BYSL: variants seen among roughly 807,000 people sequenced by gnomAD.
The protein encoded by BYSL is bystin like.
A neutral mutation model predicts 45.4 loss-of-function variants in BYSL; 21 were observed. That is an observed-to-expected ratio of 0.46 (90% CI 0.33 to 0.67). BYSL has a LOEUF of 0.67. Among genes scored for constraint, BYSL ranks in the 30% least tolerant of loss-of-function variants. The pLI, the probability that BYSL is intolerant of heterozygous loss-of-function variation, is 0.02. For missense variants in BYSL, 522 were observed against 578.5 expected (o/e 0.90, Z 1.00); for synonymous variants, 215 against 231.3 (o/e 0.93, Z 0.64).
chr6:41,918,641 G>T (rs551358611), upstream of BYSL, among the ~76,000 whole-genome samples: 1 of 149,674 alleles, frequency 6.7e-6, no homozygotes, highest in African/African-American at 2.5e-5. Context: ...GTGAAACCCC[G>T]TCTCTACCAA....
chr6:41,921,473 T>G, upstream of BYSL: 1 of 1,467,382 alleles, frequency 6.8e-7, no homozygotes, highest in Non-Finnish European at 9.0e-7. Flanking sequence ...CCGGGCGGCC[T>G]CTTGGGCGCT....
At position 41,930,717 on chromosome 6, in the gene BYSL, A is replaced by G; in HGVS notation, c.653A>G (p.Tyr218Cys). ...PALSNWEQIL[Y>C]VTEPEAWTAA... Reference sequence around the variant, plus strand: ...CTCTCCAACTGGGAGCAAATCCTCTACGTCACAGAGCCGGAGGCCTGGACT... The same window carrying G: ...CTCTCCAACTGGGAGCAAATCCTCTGCGTCACAGAGCCGGAGGCCTGGACT... The change falls in exon 4 of 7, where the codon TAC becomes TGC. Residue 218 changes from tyrosine to cysteine, a missense_variant. Coordinates refer to ENST00000230340, the MANE Select transcript of BYSL (RefSeq NM_004053.4). 2.5e-6 allele frequency: 4 copies of G among 1,614,086 alleles called. No homozygotes were observed. Among genetic ancestry groups the G allele is most frequent in the African/African-American group, 1.3e-5 (1 of 75,070 alleles).
At chr6:41,927,348 C>T (rs1775578128) in intron 1 of BYSL, 26 bp from the exon 2 acceptor site, 3 of 1,612,126 alleles carry the variant, frequency 1.9e-6, no homozygotes, top group Admixed American at 1.7e-5. Flanking sequence ...TTGCTGTGCT[C>T]ATCCATTTAG....
At chr6:41,911,190 G>A in the BYSL span, among the ~76,000 whole-genome samples, 401 of 148,118 alleles carry the variant, frequency 2.7e-3, no homozygotes, top group African/African-American at 9.4e-3. Context: ...TCACTCTGTC[G>A]CCCAGGCTGT....
intron 1 of BYSL, among the ~76,000 whole-genome samples, chr6:41,922,685 T>C (rs561129217): frequency 3.4e-4 from 52 of 152,350 alleles, no homozygotes; most frequent in Admixed American, 1.9e-3. Context: ...TTAAATACCA[T>C]CCTTGAGTGA....
upstream of BYSL, chr6:41,916,944 A>G (rs1185412378): frequency 6.2e-7 from 1 of 1,613,796 alleles, no homozygotes. Context: ...GACACACTGG[A>G]AAGGAGAGCA....
Position 41,932,312 on chromosome 6 carries a change from C to T in BYSL, c.969-49C>T. On this transcript the variant is annotated intron_variant, in intron 6 of 6. Transcript: ENST00000230340. This position sits in a 1 kb window ranked among gnomAD's most constrained non-coding sequence, Gnocchi z 4.7. Reference sequence around the variant, plus strand: ...GCATAGAGGGAGAAGTAGGATCCTTCTTCCAATGTTTTCCCTGCTTACTCT... The same window carrying T: ...GCATAGAGGGAGAAGTAGGATCCTTTTTCCAATGTTTTCCCTGCTTACTCT... The T allele has an allele frequency of 6.5e-7, 1 of 1,537,238 alleles. No individual in the cohort carries two copies.
chr6:41,917,636 G>C, upstream of BYSL: 1 of 399,048 alleles, frequency 2.5e-6, no homozygotes, highest in African/African-American at 2.1e-5. Context: ...TCCTATCACA[G>C]GGCGTTCTCA....
At chr6:41,924,927 A>G (rs1267546801) in intron 1 of BYSL, among the ~76,000 whole-genome samples, 4 of 152,082 alleles carry the variant, frequency 2.6e-5, no homozygotes, top group Non-Finnish European at 5.9e-5. Flanking sequence ...TTAGTAATTG[A>G]TTGGGTGTTG....
chr6:41,922,908 A>G (rs1582070021), intron 1 of BYSL, among the ~76,000 whole-genome samples: 1 of 152,036 alleles, frequency 6.6e-6, no homozygotes, highest in African/African-American at 2.4e-5. Flanking sequence ...TTTGCTCGAG[A>G]TAAACTTTAG....
rs1229637092 is a variant in BYSL at position 41,921,681 on chromosome 6, G to C, written c.119G>C (p.Arg40Pro). Residue 40 changes from arginine to proline, a missense_variant, in exon 1 of 7, where the codon CGC (arginine) becomes CCC (proline). Transcript: ENST00000230340. The part of the protein sequence containing the change: ...RAGVREKRRG[R>P]GTGEAEEEYV... Reference sequence around the variant, plus strand: ...GGGGTCCGGGAGAAGCGGCGGGGTCGCGGGACAGGAGAAGCGGAGGAAGAG... The same window carrying C: ...GGGGTCCGGGAGAAGCGGCGGGGTCCCGGGACAGGAGAAGCGGAGGAAGAG... The C allele has an allele frequency of 6.2e-7, 1 of 1,612,882 alleles. No individual in the cohort carries two copies. The highest frequency in any genetic ancestry group is 1.3e-5 in the African/African-American group (1 of 74,922).
upstream of BYSL, among the ~76,000 whole-genome samples, chr6:41,919,128 C>CA (rs35512146): frequency 0.14 from 6,201 of 43,348 alleles, 625 homozygotes; most frequent in African/African-American, 0.25. Context: ...GACTCTGCCT[C>CA]AAAAAAAAAA....
chr6:41,909,257 C>T, the BYSL span: 1 of 1,610,058 alleles, frequency 6.2e-7, no homozygotes, highest in Non-Finnish European at 8.5e-7. Context: ...CCTATTTTCA[C>T]CAAGGTCTTA....
chr6:41,931,595 A>G (rs749555564), intron 5 of BYSL, 39 bp downstream of exon 5: 28 of 1,613,678 alleles, frequency 1.7e-5, no homozygotes, highest in Non-Finnish European at 2.3e-5. Flanking sequence ...GAAGGGCTGG[A>G]GCTTCTATGG....
Position 41,932,505 on chromosome 6 carries a change from G to T in BYSL, c.1113G>T (p.Lys371Asn). ...VFHFLGFRTE[K>N]RELPVLWHQC... The stretch of plus-strand genomic sequence containing the variant: ...ACTTCCTGGGGTTCCGGACAGAGAA[G>T]CGTGAACTGCCTGTGCTGTGGCACC... Residue 371 changes from lysine to asparagine, a missense_variant, in exon 7 of 7, where the codon AAG becomes AAT. Physicochemically the swap from Lys to Asn is moderately conservative, Grantham distance 94 (BLOSUM62 0). Coordinates refer to ENST00000230340, the MANE Select transcript of BYSL (RefSeq NM_004053.4). This position sits in a 1 kb window ranked among gnomAD's most constrained non-coding sequence, Gnocchi z 4.7. The T allele has an allele frequency of 6.2e-7, 1 of 1,614,204 alleles. No individual in the cohort carries two copies. The highest frequency in any genetic ancestry group is 1.1e-5 in the South Asian group (1 of 91,086).
intron 1 of BYSL, among the ~76,000 whole-genome samples, chr6:41,922,402 G>T (rs1304689830): frequency 6.6e-6 from 1 of 152,232 alleles, no homozygotes; most frequent in African/African-American, 2.4e-5. Context: ...CGAGAGAGAT[G>T]AATTGAAAGA....
chr6:41,921,399 T>G (rs2127383463), upstream of BYSL: 10 of 967,470 alleles, frequency 1.0e-5, no homozygotes, highest in East Asian at 2.7e-5. Flanking sequence ...CGGGAGCTCT[T>G]TTAGTGGGAG....
upstream of BYSL, chr6:41,916,908 T>A: frequency 1.2e-6 from 2 of 1,613,930 alleles, no homozygotes; most frequent in Non-Finnish European, 1.7e-6. Flanking sequence ...TGCTGAACAC[T>A]CTTGCCCTCG....
intron 1 of BYSL, among the ~76,000 whole-genome samples, chr6:41,923,936 A>G (rs1295830669): frequency 6.6e-6 from 1 of 152,024 alleles, no homozygotes; most frequent in East Asian, 1.9e-4. Flanking sequence ...TCTCTGGGAT[A>G]GTTTGTTCTC....
Sources: gnomAD v4.1 joint callset for allele counts (sites outside exome capture counted in the v4.1 genomes callset) on GRCh38, gnomAD v4.1.1 for gene constraint, Gnocchi (gnomAD v3.1) non-coding constraint, MANE v1.5 for transcripts, NCBI Gene and HGNC (gene_info 2026-07-23, HGNC 2026-07-21) for gene names.